The following WDR64 variants were observed in gnomAD, a reference collection of about 807,000 sequenced individuals.
The protein encoded by WDR64 is WD repeat domain 64.
Under a neutral mutation model 139.3 loss-of-function variants are expected in WDR64, and 112 were observed. The ratio of observed to expected loss-of-function variants is 0.80; its 90% CI spans 0.69 to 0.94. WDR64 has a LOEUF of 0.94. Among genes scored for constraint, WDR64 ranks in the 40% least tolerant of loss-of-function variants. The pLI is 0.00. For missense variants in WDR64, 1,206 were observed against 1,293.1 expected (o/e 0.93, Z 1.03); for synonymous variants, 444 against 437.7 (o/e 1.01, Z -0.18).
At chr1:241,672,318 C>A (rs992999832) in intron 3 of WDR64, among the ~76,000 whole-genome samples, 4 of 151,546 alleles carry the variant, frequency 2.6e-5, no homozygotes, top group East Asian at 3.9e-4. Context: ...AAAAAGAAAA[C>A]ACACACACAC....
At chr1:241,766,100 A>G in intron 15 of WDR64, 118 bp from the exon 16 acceptor site, 1 of 930,838 alleles carries the variant, frequency 1.1e-6, no homozygotes, top group Non-Finnish European at 1.5e-6. Context: ...GATATTAAAA[A>G]TATATATAAT....
At chr1:241,689,849 G>A (rs1479543477) in intron 8 of WDR64, among the ~76,000 whole-genome samples, 1 of 152,036 alleles carries the variant, frequency 6.6e-6, no homozygotes, top group East Asian at 1.9e-4. Flanking sequence ...TATACCGGAC[G>A]TAGCTGAGGA....
intron 8 of WDR64, among the ~76,000 whole-genome samples, chr1:241,705,962 T>A (rs542794123): frequency 4.2e-4 from 64 of 152,332 alleles, no homozygotes; most frequent in African/African-American, 1.5e-3. Context: ...TTTGCCTTTA[T>A]AGGTCCCTCC....
chr1:241,712,332 G>A (rs1342180789), intron 9 of WDR64, among the ~76,000 whole-genome samples: 1 of 152,150 alleles, frequency 6.6e-6, no homozygotes, highest in Non-Finnish European at 1.5e-5. Context: ...GTTAACAGAT[G>A]AGAAGACCAG....
intron 2 of WDR64, among the ~76,000 whole-genome samples, chr1:241,665,374 A>C (rs766270928): frequency 2.0e-5 from 3 of 152,220 alleles, no homozygotes; most frequent in Non-Finnish European, 4.4e-5. Flanking sequence ...ATTCGAGGAG[A>C]CTAACTTCAT....
intron 14 of WDR64, among the ~76,000 whole-genome samples, chr1:241,755,010 G>T (rs1670129630): frequency 6.6e-6 from 1 of 152,240 alleles, no homozygotes; most frequent in Admixed American, 6.5e-5. Context: ...TTGCTATTGT[G>T]AATAGTGCTG....
chr1:241,760,962 T>G (rs1657851817), intron 15 of WDR64, among the ~76,000 whole-genome samples: 1 of 151,842 alleles, frequency 6.6e-6, no homozygotes, highest in Non-Finnish European at 1.5e-5. Context: ...GTCTTTGGGA[T>G]AGATTCCAAG....
At chr1:241,754,606 C>T (rs1670107507) in intron 14 of WDR64, among the ~76,000 whole-genome samples, 1 of 152,100 alleles carries the variant, frequency 6.6e-6, no homozygotes. Flanking sequence ...GCGTCAGCCA[C>T]CTTGCCTGGC....
At chr1:241,655,475 A>G (rs565409895) in intron 1 of WDR64, among the ~76,000 whole-genome samples, 10 of 152,238 alleles carry the variant, frequency 6.6e-5, no homozygotes, top group South Asian at 2.1e-4. Flanking sequence ...AAAATTATCA[A>G]TGTGCCATAT....
intron 8 of WDR64, among the ~76,000 whole-genome samples, chr1:241,705,479 T>C (rs1343381005): frequency 6.6e-6 from 1 of 150,928 alleles, no homozygotes; most frequent in Non-Finnish European, 1.5e-5. Flanking sequence ...GAGGCGGAGC[T>C]TGCAGTGAGC....
Position 241,783,267 on chromosome 1 carries a change from T to C in WDR64, c.2596-5T>C. 1 of 1,612,128 alleles carries C rather than the reference T, an allele frequency of 6.2e-7. No homozygotes were observed. Among genetic ancestry groups the C allele is most frequent in the Non-Finnish European group, 8.5e-7 (1 of 1,178,724 alleles). ...CGAGGAATATGCCTTGTTTTTGCTATCTAGAAATTCAAGCAGCTGCTTTCC... is the reference window on the plus strand; with the variant it reads ...CGAGGAATATGCCTTGTTTTTGCTACCTAGAAATTCAAGCAGCTGCTTTCC... On this transcript the variant is annotated splice_polypyrimidine_tract_variant and splice_region_variant and intron_variant, in intron 22 of 27. Coordinates refer to ENST00000437684, the MANE Select transcript of WDR64 (RefSeq NM_001367482.1).
At chr1:241,697,903 T>C (rs578107645) in intron 8 of WDR64, among the ~76,000 whole-genome samples, 1 of 152,338 alleles carries the variant, frequency 6.6e-6, no homozygotes, top group African/African-American at 2.4e-5. Flanking sequence ...TCCCAGTATC[T>C]TACTGTTGGT....
chr1:241,654,085 A>C (rs1462020441), intron 1 of WDR64, among the ~76,000 whole-genome samples: 1 of 152,206 alleles, frequency 6.6e-6, no homozygotes, highest in Non-Finnish European at 1.5e-5. Context: ...AAGCAAGGTC[A>C]AAAGACAAGA....
intron 1 of WDR64, 118 bp downstream of exon 1, chr1:241,652,747 G>T: frequency 8.3e-7 from 1 of 1,200,550 alleles, no homozygotes; most frequent in Non-Finnish European, 1.1e-6. Context: ...GCTGAAAGGG[G>T]ATGAAGACCT....
rs10926550 is a variant in WDR64 at position 241,723,559 on chromosome 1, A to G, written c.1194+123A>G. 0.015 allele frequency: 16,304 copies of G among 1,113,630 alleles called. 1,732 individuals carry two copies. The African/African-American group carries it at 0.23, about 16-fold the overall frequency. 69.0% of individuals were successfully genotyped at this position (1,113,630 alleles called of 1,614,324 possible). On this transcript the variant is annotated intron_variant, in intron 10 of 27. Coordinates refer to ENST00000437684, the MANE Select transcript of WDR64 (RefSeq NM_001367482.1). ...TAGTCATTGAATCATTGAGAAAAAT[A>G]TTGTCAGTATGGAAAAGGAAATGAT... is the stretch of plus-strand genomic sequence containing the variant.
chr1:241,708,468 C>A (rs11580123), intron 8 of WDR64, among the ~76,000 whole-genome samples: 7,401 of 152,218 alleles, frequency 0.049, 240 homozygotes, highest in South Asian at 0.081. Context: ...CATACACCAC[C>A]ATGCCTGGCT....
chr1:241,739,011 C>T (rs1218076860), intron 11 of WDR64, among the ~76,000 whole-genome samples: 1 of 152,158 alleles, frequency 6.6e-6, no homozygotes, highest in African/African-American at 2.4e-5. Context: ...CCCTTTTCTG[C>T]AGTGAGGAAA....
intron 12 of WDR64, 142 bp downstream of exon 12, chr1:241,741,806 A>C: frequency 1.0e-6 from 1 of 954,660 alleles, no homozygotes; most frequent in Non-Finnish European, 1.4e-6. Context: ...TTAAGCTTCC[A>C]TGAGTACGTG....
At chr1:241,711,575 C>T (rs1332992670) in intron 8 of WDR64, among the ~76,000 whole-genome samples, 2 of 152,130 alleles carry the variant, frequency 1.3e-5, no homozygotes, top group Non-Finnish European at 2.9e-5. Flanking sequence ...GCTGGATTTT[C>T]TTTTAAACAG....
Sources: allele counts gnomAD v4.1 joint callset (sites outside exome capture counted in the v4.1 genomes callset), GRCh38; gene constraint gnomAD v4.1.1; transcripts MANE v1.5; gene names NCBI Gene and HGNC (gene_info 2026-07-23, HGNC 2026-07-21).